Variants in RFPL1 observed in about 807,000 individuals in gnomAD.
The protein encoded by RFPL1 is ret finger protein like 1.
RFPL1 carries 6 observed loss-of-function variants against 9.6 expected under a neutral mutation model. The ratio of observed to expected loss-of-function variants is 0.62; its 90% CI spans 0.34 to 1.23. RFPL1 has a LOEUF of 1.23. Ranked by LOEUF, RFPL1 falls within the 50% of genes most tolerant of loss-of-function variation. The probability of loss-of-function intolerance (pLI) is 0.03; values close to 1 mark genes in which losing one functional copy is unlikely to be tolerated. For synonymous variants in RFPL1, 145 were observed against 149.4 expected, an observed-to-expected ratio of 0.97 and a Z score of 0.22; for missense variants, 352 against 398.4, an observed-to-expected ratio of 0.88 and a Z score of 0.99.
the RFPL1 span, among the ~76,000 whole-genome samples, chr22:29,417,187 A>G: frequency 0.017 from 2,617 of 152,098 alleles, 58 homozygotes; most frequent in African/African-American, 0.059. Flanking sequence ...TTTGGGGCTT[A>G]TCATATCAGC....
chr22:29,396,897 CTTTTTTTTTTTT>C, the RFPL1 span, among the ~76,000 whole-genome samples: 20 of 72,588 alleles, frequency 2.8e-4, no homozygotes, highest in Non-Finnish European at 3.4e-4. Context: ...CCTGAAACTT[CTTTTTTTTTTTT>C]TTTTTTTTTT....
chr22:29,432,256 G>A, the RFPL1 span, among the ~76,000 whole-genome samples: 147 of 152,274 alleles, frequency 9.7e-4, no homozygotes, highest in Non-Finnish European at 1.4e-3. Context: ...AGATACTGTG[G>A]CAAACTATGT....
the RFPL1 span, among the ~76,000 whole-genome samples, chr22:29,414,586 T>A: frequency 6.6e-6 from 1 of 152,186 alleles, no homozygotes. Flanking sequence ...TACAGAATAC[T>A]GATTGTGTTT....
At chr22:29,439,360 A>G in intron 1 of RFPL1, 196 bp downstream of exon 1, 1 of 821,370 alleles carries the variant, frequency 1.2e-6, no homozygotes. Flanking sequence ...CTGGCTGGGC[A>G]TGGTGGCTCA....
chr22:29,429,394 C>G, the RFPL1 span, among the ~76,000 whole-genome samples: 1 of 152,156 alleles, frequency 6.6e-6, no homozygotes, highest in East Asian at 1.9e-4. Context: ...AATTGACAAA[C>G]TGTGAGCTAG....
chr22:29,439,188 C>G (rs2062825242), intron 1 of RFPL1, 24 bp downstream of exon 1: 1 of 1,602,526 alleles, frequency 6.2e-7, no homozygotes, highest in East Asian at 2.2e-5. Flanking sequence ...ATACACTGCC[C>G]CCTTCCTACG....
the RFPL1 span, among the ~76,000 whole-genome samples, chr22:29,418,030 C>A: frequency 6.7e-6 from 1 of 149,166 alleles, no homozygotes; most frequent in Non-Finnish European, 1.5e-5. Flanking sequence ...CTCCTGGGTT[C>A]CAGCAATTCT....
the RFPL1 span, among the ~76,000 whole-genome samples, chr22:29,391,480 T>C: frequency 2.0e-5 from 3 of 152,266 alleles, no homozygotes; most frequent in East Asian, 1.9e-4. Context: ...CAAAATTTCA[T>C]TGGGAATGTA....
exon 2 of RFPL1, chr22:29,441,599 T>G: frequency 1.2e-6 from 2 of 1,613,914 alleles, no homozygotes; most frequent in South Asian, 2.2e-5. Flanking sequence ...TCTGACGACC[T>G]CAGGAGCGTC....
chr22:29,408,287 G>A, the RFPL1 span, among the ~76,000 whole-genome samples: 1 of 152,186 alleles, frequency 6.6e-6, no homozygotes. Flanking sequence ...TGACATTGAT[G>A]AGGTTGCCCT....
At chr22:29,436,016 G>A (rs1974480), upstream of RFPL1, among the ~76,000 whole-genome samples, 48,188 of 151,986 alleles carry the variant, frequency 0.32, 9,424 homozygotes, top group Middle Eastern at 0.47. Flanking sequence ...CAGAAGCAGA[G>A]CATAGAATTG....
At chr22:29,405,923 C>A in the RFPL1 span, among the ~76,000 whole-genome samples, 123 of 151,054 alleles carry the variant, frequency 8.1e-4, no homozygotes, top group South Asian at 1.3e-3. Flanking sequence ...TCCTGGCTAA[C>A]AAGGTGAAAC....
At chr22:29,424,039 G>T in the RFPL1 span, among the ~76,000 whole-genome samples, 2 of 152,122 alleles carry the variant, frequency 1.3e-5, no homozygotes, top group Non-Finnish European at 2.9e-5. Context: ...AATTAGCTGG[G>T]CGTGGTGGTG....
chr22:29,400,186 C>T, the RFPL1 span, among the ~76,000 whole-genome samples: 2 of 151,836 alleles, frequency 1.3e-5, no homozygotes, highest in Admixed American at 6.6e-5. Context: ...TTAGTAGAGA[C>T]GGGGTTTCAC....
At position 29,440,392 on chromosome 22, in the gene RFPL1, T is replaced by C. The variant is rs139078457; in HGVS notation, c.374-1150T>C. On this transcript the variant is annotated intron_variant, in intron 1 of 1. Coordinates refer to ENST00000354373, the Ensembl canonical transcript of RFPL1. ...TTTTGACTTGAAGGATCATATGTTCTGTAGATTTTTTTTTCAGAATGCTCT... is the reference window on the plus strand; with the variant it reads ...TTTTGACTTGAAGGATCATATGTTCCGTAGATTTTTTTTTCAGAATGCTCT... The C allele has an allele frequency of 2.0e-5, 3 of 152,202 alleles. No individual in the cohort carries two copies. The East Asian group carries it at 5.8e-4, about 29-fold the overall frequency. The allele number at this position is 152,202 out of a possible 1,614,324, so 9.4% of individuals were successfully genotyped here.
At chr22:29,411,977 G>A in the RFPL1 span, among the ~76,000 whole-genome samples, 1 of 152,194 alleles carries the variant, frequency 6.6e-6, no homozygotes. Flanking sequence ...CAGTTGGAGT[G>A]AGCAGGACCT....
At chr22:29,397,747 T>C in the RFPL1 span, among the ~76,000 whole-genome samples, 1 of 152,168 alleles carries the variant, frequency 6.6e-6, no homozygotes, top group Admixed American at 6.5e-5. Context: ...GGTCTCTGCA[T>C]GCAGATTGGG....
exon 2 of RFPL1, chr22:29,441,767 C>A (rs2062840932): frequency 6.2e-7 from 1 of 1,613,854 alleles, no homozygotes; most frequent in African/African-American, 1.3e-5. Flanking sequence ...TGCAGAGAAT[C>A]TGTTCACCGC....
the RFPL1 span, among the ~76,000 whole-genome samples, chr22:29,394,400 T>C: frequency 1.3e-5 from 2 of 151,688 alleles, no homozygotes; most frequent in Non-Finnish European, 2.9e-5. Context: ...TGGAGTGCGG[T>C]GGTGCGGTCT....
Sources: allele counts gnomAD v4.1 joint callset (sites outside exome capture counted in the v4.1 genomes callset), GRCh38; gene constraint gnomAD v4.1.1; transcripts MANE v1.5; gene names NCBI Gene and HGNC (gene_info 2026-07-23, HGNC 2026-07-21).